The following CELF4 variants were observed in gnomAD, a reference collection of about 807,000 sequenced individuals.
CELF4 encodes the protein CUG-BP- and ETR-3-like factor 4.
In CELF4, 18 loss-of-function variants were observed where a neutral mutation model predicts 59.9. That is an observed-to-expected ratio of 0.30 (90% confidence interval 0.21 to 0.45). The LOEUF (loss-of-function observed/expected upper bound fraction) is 0.45. Ranked by LOEUF, CELF4 falls within the 20% of genes least tolerant of loss-of-function variation. CELF4 has a pLI of 1.00. For synonymous variants in CELF4, 261 were observed against 267.1 expected, an observed-to-expected ratio of 0.98 and a Z score of 0.22; for missense variants, 456 against 689.0, an observed-to-expected ratio of 0.66 and a Z score of 3.79.
chr18:37,337,873 A>T (rs1436572079), intron 2 of CELF4, among the ~76,000 whole-genome samples: 1 of 152,196 alleles, frequency 6.6e-6, no homozygotes, highest in African/African-American at 2.4e-5. Context: ...AGCAGAAACA[A>T]GTTTATCTCC....
chr18:37,419,147 C>A (rs1221504691), intron 2 of CELF4, among the ~76,000 whole-genome samples: 1 of 152,224 alleles, frequency 6.6e-6, no homozygotes, highest in Non-Finnish European at 1.5e-5. Context: ...TAGTGCAGAG[C>A]CAAGCACCCA....
At chr18:37,280,083 G>A (rs926912608) in intron 3 of CELF4, among the ~76,000 whole-genome samples, 3 of 152,190 alleles carry the variant, frequency 2.0e-5, no homozygotes, top group Non-Finnish European at 4.4e-5. Flanking sequence ...GACCCAGAGA[G>A]GGCATCTTGG....
chr18:37,313,526 T>C (rs2096750510), intron 3 of CELF4, among the ~76,000 whole-genome samples: 1 of 152,128 alleles, frequency 6.6e-6, no homozygotes, highest in Non-Finnish European at 1.5e-5. Flanking sequence ...AGCTAGAAGA[T>C]TCTGGAAGGG....
rs1004227212 is a variant in CELF4, at chr18:37,501,604, G to T, written c.287-15997C>A. Among the ~76,000 whole-genome samples, 6 of 152,356 alleles carry T rather than the reference G, an allele frequency of 3.9e-5. No individual in the cohort carries two copies. The East Asian group carries it at 1.2e-3, about 29-fold the overall frequency. On this transcript the variant is annotated intron_variant, in intron 1 of 12. Coordinates refer to ENST00000420428, the MANE Select transcript of CELF4 (RefSeq NM_020180.4). ...AGGAAGCCAGGTAAGCTGGTGTGTG[G>T]CCCAGTAACCAAGCTTCAGACTGTA...
At chr18:37,508,383 C>A (rs1191441938) in intron 1 of CELF4, among the ~76,000 whole-genome samples, 3 of 152,216 alleles carry the variant, frequency 2.0e-5, no homozygotes, top group African/African-American at 7.2e-5. Context: ...CCCCTCTGGG[C>A]CCATTTGCTG....
intron 1 of CELF4, among the ~76,000 whole-genome samples, chr18:37,527,581 C>T (rs1368243827): frequency 6.6e-6 from 1 of 152,114 alleles, no homozygotes; most frequent in Non-Finnish European, 1.5e-5. Context: ...GAACATCAAA[C>T]CATGCTCTGA....
At chr18:37,543,999 T>C (rs2099979538) in intron 1 of CELF4, among the ~76,000 whole-genome samples, 1 of 151,886 alleles carries the variant, frequency 6.6e-6, no homozygotes, top group South Asian at 2.1e-4. Flanking sequence ...AGGCCTTGGC[T>C]TGGGGGAAGC....
chr18:37,565,674 G>A lies in CELF4; in HGVS notation c.-33C>T, dbSNP rs763089811. 2.0e-6 allele frequency: 3 copies of A among 1,535,332 alleles called. No individual in the cohort carries two copies. The South Asian group carries it at 3.8e-5, about 19-fold the overall frequency. ...ATCTTCTTTCCTTTTATTCTTTCTC[G>A]CTCACACTCTCTCGCTCCTCTCTCT... On this transcript the variant is annotated 5_prime_UTR_variant, in exon 1 of 13. Coordinates refer to ENST00000420428, the MANE Select transcript of CELF4 (RefSeq NM_020180.4).
intron 2 of CELF4, among the ~76,000 whole-genome samples, chr18:37,341,605 G>C (rs1408876162): frequency 6.6e-6 from 1 of 152,154 alleles, no homozygotes; most frequent in Non-Finnish European, 1.5e-5. Flanking sequence ...ATGGGCACAG[G>C]CTGCCTGGAA....
intron 2 of CELF4, among the ~76,000 whole-genome samples, chr18:37,343,614 C>A (rs995117605): frequency 6.6e-6 from 1 of 151,702 alleles, no homozygotes; most frequent in Admixed American, 6.6e-5. Context: ...TGTGGGGGTG[C>A]GTGTGTATAT....
At chr18:37,315,566 G>C (rs2096838932) in intron 3 of CELF4, among the ~76,000 whole-genome samples, 1 of 152,164 alleles carries the variant, frequency 6.6e-6, no homozygotes, top group South Asian at 2.1e-4. Flanking sequence ...GCCAAAGTGG[G>C]CCTTGTCTGC....
At chr18:37,534,524 A>T (rs2099971964) in intron 1 of CELF4, among the ~76,000 whole-genome samples, 1 of 152,202 alleles carries the variant, frequency 6.6e-6, no homozygotes, top group Non-Finnish European at 1.5e-5. Flanking sequence ...CAAGCAGCCG[A>T]CTTTCACTTA....
At chr18:37,432,459 G>A (rs2099672827) in intron 2 of CELF4, among the ~76,000 whole-genome samples, 1 of 152,238 alleles carries the variant, frequency 6.6e-6, no homozygotes, top group East Asian at 1.9e-4. Context: ...AATCATGGTA[G>A]GCACACTATC....
At chr18:37,507,016 A>G (rs2099938856) in intron 1 of CELF4, among the ~76,000 whole-genome samples, 1 of 152,154 alleles carries the variant, frequency 6.6e-6, no homozygotes, top group Admixed American at 6.5e-5. Context: ...AGAGCCAGAG[A>G]GATGGAATTG....
At chr18:37,266,365 G>T in intron 9 of CELF4, 168 bp downstream of exon 9, 4 of 722,428 alleles carry the variant, frequency 5.5e-6, no homozygotes, top group East Asian at 2.8e-5. Flanking sequence ...GTGGCCCGCT[G>T]ACAAGAAGGC....
intron 1 of CELF4, among the ~76,000 whole-genome samples, chr18:37,504,410 C>G (rs191840275): frequency 6.7e-6 from 1 of 148,724 alleles, no homozygotes; most frequent in Non-Finnish European, 1.5e-5. Flanking sequence ...GCCGAGATCA[C>G]GCCACTTCAC....
chr18:37,295,171 G>A (rs1175674144), intron 3 of CELF4, among the ~76,000 whole-genome samples: 2 of 152,182 alleles, frequency 1.3e-5, no homozygotes, highest in East Asian at 1.9e-4. Flanking sequence ...GGCCTCTCCT[G>A]GATGCTGGCT....
At chr18:37,476,940 C>T (rs1431042063) in intron 2 of CELF4, among the ~76,000 whole-genome samples, 1 of 152,260 alleles carries the variant, frequency 6.6e-6, no homozygotes, top group Non-Finnish European at 1.5e-5. Flanking sequence ...TTCCTTTCTA[C>T]ATCCATGACC....
intron 2 of CELF4, among the ~76,000 whole-genome samples, chr18:37,471,406 G>T (rs1487878929): frequency 6.6e-6 from 1 of 152,154 alleles, no homozygotes; most frequent in Non-Finnish European, 1.5e-5. Flanking sequence ...AAGCTCCTCA[G>T]TGGGATGTGA....
Sources: allele counts gnomAD v4.1 joint callset (sites outside exome capture counted in the v4.1 genomes callset), GRCh38; gene constraint gnomAD v4.1.1; transcripts MANE v1.5; gene names NCBI Gene and HGNC (gene_info 2026-07-23, HGNC 2026-07-21).